The following TMEM132B variants were observed in gnomAD, a reference collection of about 807,000 sequenced individuals.
TMEM132B encodes the protein transmembrane protein 132B.
Under a neutral mutation model 90.8 loss-of-function variants are expected in TMEM132B, and 18 were observed. That is an observed-to-expected ratio of 0.20 (90% CI 0.14 to 0.29). The LOEUF (loss-of-function observed/expected upper bound fraction) is 0.29, where lower values mean the gene tolerates loss of function less well. TMEM132B is among the 10% of genes least tolerant of loss of function. TMEM132B has a pLI of 1.00. For missense variants in TMEM132B, 1,096 were observed against 1,326.8 expected (o/e 0.83, Z 2.70); for synonymous variants, 504 against 523.3 (o/e 0.96, Z 0.50).
intron 1 of TMEM132B, among the ~76,000 whole-genome samples, chr12:125,189,282 T>C (rs374234732): frequency 2.6e-5 from 4 of 152,218 alleles, no homozygotes; most frequent in African/African-American, 7.2e-5. Context: ...TGCTGTGGCT[T>C]TGCAAATTAG....
chr12:125,384,315 A>T (rs188260801), intron 2 of TMEM132B, among the ~76,000 whole-genome samples: 2 of 152,288 alleles, frequency 1.3e-5, no homozygotes, highest in Admixed American at 1.3e-4. Context: ...AAGTTTTCTC[A>T]TGTACCCTTA....
intron 1 of TMEM132B, among the ~76,000 whole-genome samples, chr12:125,316,618 C>CTTTTTTTTTTTTTTTTTTTTTTTTTT (rs1555239077): frequency 6.6e-6 from 1 of 150,858 alleles, no homozygotes; most frequent in Admixed American, 6.6e-5. Context: ...AGATGATTTT[C>CTTTTTTTTTTTTTTTTTTTTTTTTTT]AGCTGAGGTC....
chr12:125,373,608 C>T (rs1878373717), intron 2 of TMEM132B, among the ~76,000 whole-genome samples: 1 of 152,124 alleles, frequency 6.6e-6, no homozygotes, highest in Non-Finnish European at 1.5e-5. Context: ...CCCCAGCTTC[C>T]TTTAGCTTCC....
chr12:125,634,001 C>T (rs1242644093), intron 5 of TMEM132B, among the ~76,000 whole-genome samples: 1 of 152,150 alleles, frequency 6.6e-6, no homozygotes, highest in African/African-American at 2.4e-5. Flanking sequence ...AGGTTGGTGC[C>T]CTTCCCTTCA....
intron 5 of TMEM132B, among the ~76,000 whole-genome samples, chr12:125,628,054 A>T (rs568578474): frequency 6.6e-6 from 1 of 152,154 alleles, no homozygotes; most frequent in Non-Finnish European, 1.5e-5. Flanking sequence ...TTCTTTATCC[A>T]TTCATCTGTT....
rs1205399474 is a variant in TMEM132B, at chr12:125,246,936, G to T, written c.67+60070G>T. Among the ~76,000 whole-genome samples, 1 of 151,898 alleles carries T rather than the reference G, an allele frequency of 6.6e-6. No individual in the cohort carries two copies. On this transcript the variant is annotated intron_variant, in intron 1 of 8. Transcript: ENST00000682704. This position sits in a 1 kb window ranked among gnomAD's most constrained non-coding sequence, Gnocchi z 4.2. ...TGTGGGGGAGGTGGTGGGGGTAGGG[G>T]CACAGTCAGGATTTTCCACTTAAGT...
chr12:125,356,026 C>T (rs57101503), intron 2 of TMEM132B, among the ~76,000 whole-genome samples: 2,291 of 152,198 alleles, frequency 0.015, 60 homozygotes, highest in African/African-American at 0.051. Flanking sequence ...AGGGAAGTGC[C>T]AGGCTGGAGT....
At chr12:125,542,364 T>C (rs1232145534) in intron 4 of TMEM132B, among the ~76,000 whole-genome samples, 1 of 152,210 alleles carries the variant, frequency 6.6e-6, no homozygotes, top group Non-Finnish European at 1.5e-5. Context: ...CTTACTATCG[T>C]CACCATTTTC....
In TMEM132B at chr12:125,653,753, G is replaced by T; in HGVS notation, c.2295G>T (p.Lys765Asn). ...GTGAAGGACAAGGGCCTTTGATTAA[G>T]TTAGAAATGATGATAAGTGAACCTT... ...AEGEGQGPLI[K>N]LEMMISEPCQ... Residue 765 changes from lysine to asparagine, a missense_variant, in exon 9 of 9, where the codon AAG becomes AAT. By Grantham distance (94) the Lys-to-Asn change is moderately conservative (BLOSUM62 0). Transcript: ENST00000682704. 1 of 1,614,226 alleles carries T rather than the reference G, an allele frequency of 6.2e-7. No homozygotes were observed. The highest frequency in any genetic ancestry group is 8.5e-7 in the Non-Finnish European group (1 of 1,180,036).
chr12:125,359,023 T>TTCTACTTGCCA (rs1877875493), intron 2 of TMEM132B, among the ~76,000 whole-genome samples: 1 of 152,224 alleles, frequency 6.6e-6, no homozygotes, highest in South Asian at 2.1e-4. Context: ...GTTTGCTCAT[T>TTCTACTTGCCA]TCTACTTGCC....
chr12:125,582,413 T>C (rs1885074419), intron 4 of TMEM132B, among the ~76,000 whole-genome samples: 1 of 152,090 alleles, frequency 6.6e-6, no homozygotes, highest in Non-Finnish European at 1.5e-5. Flanking sequence ...GAGCTAAGGT[T>C]AGGGACTCCA....
At chr12:125,255,240 C>A (rs530207931) in intron 1 of TMEM132B, among the ~76,000 whole-genome samples, 1 of 151,878 alleles carries the variant, frequency 6.6e-6, no homozygotes, top group South Asian at 2.1e-4. Context: ...TCTCTCTTCT[C>A]TCTCCTCTCT....
At chr12:125,378,112 T>C (rs1878548831) in intron 2 of TMEM132B, among the ~76,000 whole-genome samples, 1 of 151,830 alleles carries the variant, frequency 6.6e-6, no homozygotes, top group Non-Finnish European at 1.5e-5. Flanking sequence ...TGACACTGAG[T>C]ATGGAGTGAT....
chr12:125,616,744 A>G (rs1201857259), intron 5 of TMEM132B, among the ~76,000 whole-genome samples: 1 of 152,112 alleles, frequency 6.6e-6, no homozygotes, highest in Non-Finnish European at 1.5e-5. Context: ...CACCCAATTC[A>G]TGTGTTGCAG....
At chr12:125,547,232 A>G (rs1400223146) in intron 4 of TMEM132B, among the ~76,000 whole-genome samples, 1 of 152,256 alleles carries the variant, frequency 6.6e-6, no homozygotes, top group African/African-American at 2.4e-5. Context: ...TTCCCAGAGT[A>G]GCTGCACCAT....
In TMEM132B at chr12:125,445,220, C is replaced by T. The variant is rs1880973939; in HGVS notation, c.1106+29543C>T. On this transcript the variant is annotated intron_variant, in intron 3 of 8. Coordinates refer to ENST00000682704, the MANE Select transcript of TMEM132B (RefSeq NM_001366854.1). This position sits in a 1 kb window ranked among gnomAD's most constrained non-coding sequence, Gnocchi z 4.3. ...TTGTATTTCCACTTTTGGTAATTGT[C>T]TTTTCCCACTGATGGAAGTGAAGCT... 6.6e-6 allele frequency among the ~76,000 whole-genome samples: 1 copy of T among 152,078 alleles called. No homozygotes were observed. Among genetic ancestry groups the T allele is most frequent in the African/African-American group, 2.4e-5 (1 of 41,400 alleles).
intron 3 of TMEM132B, among the ~76,000 whole-genome samples, chr12:125,505,528 G>A (rs1299419045): frequency 6.6e-5 from 10 of 151,812 alleles, no homozygotes; most frequent in Admixed American, 1.3e-4. Flanking sequence ...GTGAAATCCC[G>A]TCTCTACTAA....
At chr12:125,399,781 G>T (rs1289652648) in intron 2 of TMEM132B, among the ~76,000 whole-genome samples, 1 of 152,232 alleles carries the variant, frequency 6.6e-6, no homozygotes, top group East Asian at 1.9e-4. Context: ...GGAAGGTGTT[G>T]AGGTTTGAGA....
intron 2 of TMEM132B, among the ~76,000 whole-genome samples, chr12:125,360,251 C>A (rs186883865): frequency 1.3e-5 from 2 of 152,138 alleles, no homozygotes; most frequent in African/African-American, 4.8e-5. Context: ...TAATCTATAA[C>A]CCGATTTACT....
Sources: gnomAD v4.1 joint callset for allele counts (sites outside exome capture counted in the v4.1 genomes callset) on GRCh38, gnomAD v4.1.1 for gene constraint, Gnocchi (gnomAD v3.1) non-coding constraint, MANE v1.5 for transcripts, NCBI Gene and HGNC (gene_info 2026-07-23, HGNC 2026-07-21) for gene names.